Variants in LHFPL6 observed in about 807,000 individuals in gnomAD.
LHFPL6 encodes LHFPL tetraspan subfamily member 6.
LHFPL6 carries 9 observed loss-of-function variants against 20.6 expected under a neutral mutation model. That is an observed-to-expected ratio of 0.44 (90% CI 0.26 to 0.76). The LOEUF (loss-of-function observed/expected upper bound fraction) is 0.76. Ranked by LOEUF, LHFPL6 falls within the 30% of genes least tolerant of loss-of-function variation. The pLI, the probability that LHFPL6 is intolerant of heterozygous loss-of-function variation, is 0.20. For missense variants in LHFPL6, 218 were observed against 253.5 expected (o/e 0.86, Z 0.95); for synonymous variants, 105 against 98.7 (o/e 1.06, Z -0.38).
intron 3 of LHFPL6, among the ~76,000 whole-genome samples, chr13:39,375,550 G>A (rs1870268614): frequency 6.6e-6 from 1 of 152,120 alleles, no homozygotes; most frequent in Non-Finnish European, 1.5e-5. Context: ...AATTAGCTGG[G>A]CCTGGTGGCG....
At chr13:39,523,871 T>C (rs1447839700) in intron 2 of LHFPL6, among the ~76,000 whole-genome samples, 1 of 152,164 alleles carries the variant, frequency 6.6e-6, no homozygotes, top group Non-Finnish European at 1.5e-5. Flanking sequence ...GTTAATTGCA[T>C]AGACGTTAAG....
At chr13:39,369,601 C>CCCTCCCTCCCTCCTT (rs1566095675) in intron 3 of LHFPL6, among the ~76,000 whole-genome samples, 3 of 25,274 alleles carry the variant, frequency 1.2e-4, no homozygotes, top group Non-Finnish European at 1.7e-4. Context: ...CTTCCTTCCT[C>CCCTCCCTCCCTCCTT]CCTCTCTCCC....
intron 2 of LHFPL6, among the ~76,000 whole-genome samples, chr13:39,530,382 A>G (rs886118283): frequency 6.6e-6 from 1 of 151,996 alleles, no homozygotes; most frequent in Non-Finnish European, 1.5e-5. Flanking sequence ...AGGTGCCTGG[A>G]GGTATGAGCG....
intron 2 of LHFPL6, among the ~76,000 whole-genome samples, chr13:39,475,036 G>A (rs938324116): frequency 6.6e-6 from 1 of 152,182 alleles, no homozygotes; most frequent in African/African-American, 2.4e-5. Context: ...TCTCAGATGT[G>A]ACCCAGAGCC....
intron 3 of LHFPL6, among the ~76,000 whole-genome samples, chr13:39,370,634 G>A (rs934141428): frequency 1.3e-5 from 2 of 152,142 alleles, no homozygotes; most frequent in Non-Finnish European, 2.9e-5. Flanking sequence ...TTTAACTGCC[G>A]CTCTCTGCAA....
intron 2 of LHFPL6, among the ~76,000 whole-genome samples, chr13:39,496,830 G>A (rs998300334): frequency 2.6e-5 from 4 of 152,138 alleles, no homozygotes; most frequent in Non-Finnish European, 5.9e-5. Context: ...TGACCAACTG[G>A]GAGTGAAGTG....
Position 39,365,845 on chromosome 13 carries a change from G to C in LHFPL6, c.484+12583C>G, listed in dbSNP as rs115821626. Among the ~76,000 whole-genome samples the C allele has an allele frequency of 4.5e-3, 684 of 152,266 alleles. 6 individuals are homozygous for C. Among genetic ancestry groups the C allele is most frequent in the African/African-American group, 0.015 (642 of 41,548 alleles). On this transcript the variant is annotated intron_variant, in intron 3 of 3. Transcript: ENST00000379589. ...TCTTCCAAACCAGAGACTAGAAACT[G>C]AACACTTTAGGGATGATCAAGCCGT...
chr13:39,375,242 A>T (rs913426431), intron 3 of LHFPL6, among the ~76,000 whole-genome samples: 3 of 152,218 alleles, frequency 2.0e-5, no homozygotes, highest in African/African-American at 7.2e-5. Context: ...AAGAATGCTC[A>T]CTCATGACCT....
chr13:39,539,398 A>C (rs181237245), intron 2 of LHFPL6, among the ~76,000 whole-genome samples: 1 of 152,282 alleles, frequency 6.6e-6, no homozygotes, highest in East Asian at 1.9e-4. Flanking sequence ...TCATCCAATG[A>C]ACCAAATCAC....
chr13:39,470,079 C>G (rs575818338), intron 2 of LHFPL6, among the ~76,000 whole-genome samples: 3 of 152,302 alleles, frequency 2.0e-5, no homozygotes, highest in Non-Finnish European at 4.4e-5. Context: ...CTAACCATTT[C>G]ATCTCTCCAC....
intron 3 of LHFPL6, among the ~76,000 whole-genome samples, chr13:39,364,661 T>G (rs1869964898): frequency 6.6e-6 from 1 of 152,200 alleles, no homozygotes; most frequent in Non-Finnish European, 1.5e-5. Flanking sequence ...CTTTTCTTTT[T>G]TTTTAATTAA....
chr13:39,557,763 A>G (rs182229973), intron 2 of LHFPL6, among the ~76,000 whole-genome samples: 12 of 152,310 alleles, frequency 7.9e-5, no homozygotes, highest in Admixed American at 2.0e-4. Context: ...TTGATACCCT[A>G]TTAGTCATAG....
intron 2 of LHFPL6, among the ~76,000 whole-genome samples, chr13:39,381,616 C>T (rs891531973): frequency 6.6e-6 from 1 of 152,104 alleles, no homozygotes; most frequent in African/African-American, 2.4e-5. Context: ...TCCACCATCA[C>T]TGAAGTCAAG....
intron 3 of LHFPL6, among the ~76,000 whole-genome samples, chr13:39,362,412 A>C (rs2138345954): frequency 6.6e-6 from 1 of 152,274 alleles, no homozygotes; most frequent in Middle Eastern, 3.4e-3. Flanking sequence ...GCACCAATTA[A>C]ACCTTTTTTC....
At chr13:39,400,778 G>A (rs569089279) in intron 2 of LHFPL6, among the ~76,000 whole-genome samples, 120 of 36,676 alleles carry the variant, frequency 3.3e-3, no homozygotes, top group Middle Eastern at 0.036. Flanking sequence ...GCGAGACTCC[G>A]TCTCAAAAAA....
chr13:39,396,667 C>T (rs1370762480), intron 2 of LHFPL6, among the ~76,000 whole-genome samples: 1 of 152,066 alleles, frequency 6.6e-6, no homozygotes, highest in Admixed American at 6.6e-5. Flanking sequence ...GTGGTGTGTG[C>T]CTGTGGTCCC....
intron 2 of LHFPL6, among the ~76,000 whole-genome samples, chr13:39,569,161 G>GGACGGACGGACGGACA (rs1406497381): frequency 3.7e-5 from 2 of 53,610 alleles, no homozygotes; most frequent in Non-Finnish European, 8.5e-5. Context: ...ACGGACGGAT[G>GGACGGACGGACGGACA]GATGGATGGA....
At chr13:39,410,947 T>C (rs1871230161) in intron 2 of LHFPL6, among the ~76,000 whole-genome samples, 1 of 152,240 alleles carries the variant, frequency 6.6e-6, no homozygotes, top group Admixed American at 6.5e-5. Flanking sequence ...AAGCAATTAT[T>C]ACATATTAAA....
intron 2 of LHFPL6, among the ~76,000 whole-genome samples, chr13:39,511,602 C>A (rs1869709308): frequency 2.0e-5 from 3 of 151,990 alleles, no homozygotes; most frequent in Admixed American, 2.0e-4. Flanking sequence ...ATTTTATGAA[C>A]AAAGAATATT....
Sources: allele counts gnomAD v4.1 joint callset (sites outside exome capture counted in the v4.1 genomes callset), GRCh38; gene constraint gnomAD v4.1.1; transcripts MANE v1.5; gene names NCBI Gene and HGNC (gene_info 2026-07-23, HGNC 2026-07-21).